The following ENPP3 variants were observed in gnomAD, a reference collection of about 807,000 sequenced individuals.
The protein encoded by ENPP3 is ectonucleotide pyrophosphatase/phosphodiesterase family member 3.
ENPP3 carries 104 observed loss-of-function variants against 117.8 expected under a neutral mutation model. That is an observed-to-expected ratio of 0.88 (90% CI 0.75 to 1.04). The LOEUF (loss-of-function observed/expected upper bound fraction) is 1.04, where lower values mean the gene tolerates loss of function less well. Ranked by LOEUF, ENPP3 falls within the 50% of genes least tolerant of loss-of-function variation. The probability of loss-of-function intolerance (pLI) is 0.00; values close to 1 mark genes in which losing one functional copy is unlikely to be tolerated. For synonymous variants in ENPP3, 380 were observed against 349.9 expected (o/e 1.09, Z -0.96); for missense variants, 1,026 against 1,051.9 (o/e 0.98, Z 0.34).
rs115698587 is a variant in ENPP3, at chr6:131,733,546, C to T, written c.1954-42C>T. On this transcript the variant is annotated intron_variant, in intron 20 of 24. Coordinates refer to ENST00000357639, the MANE Select transcript of ENPP3 (RefSeq NM_005021.5). ...AAACCATATAAGGCAATGGGTGAGC[C>T]GCAATTGTGGGCGTAATTTTTTTCT... is the stretch of plus-strand genomic sequence containing the variant. The T allele has an allele frequency of 1.2e-3, 1,856 of 1,593,414 alleles. 12 individuals carry two copies. In the African/African-American group the frequency reaches 0.021, roughly 18 times the overall value.
chr6:131,691,413 A>G (rs1034136263), intron 14 of ENPP3, among the ~76,000 whole-genome samples: 1 of 151,986 alleles, frequency 6.6e-6, no homozygotes, highest in Non-Finnish European at 1.5e-5. Context: ...ACATGGTGAA[A>G]TATCTTCTCT....
intron 6 of ENPP3, among the ~76,000 whole-genome samples, chr6:131,666,366 C>T (rs1303438425): frequency 6.6e-6 from 1 of 152,104 alleles, no homozygotes; most frequent in East Asian, 1.9e-4. Flanking sequence ...TAGAATCCTT[C>T]AAGCTTCCTG....
intron 15 of ENPP3, among the ~76,000 whole-genome samples, chr6:131,706,345 G>A (rs2114487283): frequency 7.3e-6 from 1 of 136,468 alleles, no homozygotes. Context: ...CATTATTTTA[G>A]AGTGCACTCC....
intron 11 of ENPP3, among the ~76,000 whole-genome samples, chr6:131,682,790 C>T (rs1779053969): frequency 6.6e-6 from 1 of 152,182 alleles, no homozygotes; most frequent in Non-Finnish European, 1.5e-5. Context: ...TGTTAGTTGA[C>T]ATTCAACATG....
intron 19 of ENPP3, among the ~76,000 whole-genome samples, chr6:131,724,933 G>A (rs373968257): frequency 3.3e-5 from 5 of 151,926 alleles, no homozygotes; most frequent in Non-Finnish European, 4.4e-5. Context: ...AAACAGCAGG[G>A]CATGGTGGCT....
intron 14 of ENPP3, among the ~76,000 whole-genome samples, chr6:131,691,067 A>G (rs1317668967): frequency 6.6e-6 from 1 of 152,138 alleles, no homozygotes; most frequent in African/African-American, 2.4e-5. Context: ...CATCACAGAT[A>G]TGGACTGGAC....
intron 21 of ENPP3, among the ~76,000 whole-genome samples, chr6:131,736,995 T>C (rs1017740560): frequency 6.6e-6 from 1 of 152,154 alleles, no homozygotes; most frequent in Non-Finnish European, 1.5e-5. Context: ...GTTTCTCCTC[T>C]TCCCAAATCT....
At chr6:131,716,932 C>A (rs1198913292) in intron 15 of ENPP3, among the ~76,000 whole-genome samples, 1 of 151,120 alleles carries the variant, frequency 6.6e-6, no homozygotes, top group Non-Finnish European at 1.5e-5. Flanking sequence ...GATCACGCCA[C>A]TTCACTCCAG....
chr6:131,718,766 T>C, intron 16 of ENPP3, 28 bp downstream of exon 16: 2 of 1,416,252 alleles, frequency 1.4e-6, no homozygotes, highest in Non-Finnish European at 2.0e-6. Context: ...TTTTTAACTT[T>C]TATTTTAAGT....
intron 15 of ENPP3, among the ~76,000 whole-genome samples, chr6:131,718,206 T>A (rs764203749): frequency 6.6e-6 from 1 of 152,204 alleles, no homozygotes; most frequent in Non-Finnish European, 1.5e-5. Flanking sequence ...GAAATTGATA[T>A]TTTTCCCCAG....
chr6:131,650,219 CT>C lies in ENPP3; in HGVS notation c.277+74del, dbSNP rs1388036482. The C allele has an allele frequency of 5.2e-6, 8 of 1,547,664 alleles. No individual in the cohort carries two copies. The East Asian group carries it at 1.8e-4, about 35-fold the overall frequency. On this transcript the variant is annotated intron_variant, in intron 3 of 24. Transcript: ENST00000357639. ...CTATTAATACATGTCAAATTTTTTT[CT>C]TTTCTTTCCTTTTTTTTGAGACAGA...
intron 15 of ENPP3, chr6:131,700,972 C>A: frequency 1.7e-6 from 1 of 594,460 alleles, no homozygotes; most frequent in Non-Finnish European, 2.7e-6. Context: ...GAAGTCACCG[C>A]GAGGGTGATG....
In ENPP3 at chr6:131,676,785, C is replaced by A. The variant is rs1469587065; in HGVS notation, c.922C>A (p.Leu308Met). ...TTCTACACTGTTAAAATGGCTGGAC[C>A]TGCCCAAAGCTGAAAGGTAATGTCT... ...RISTLLKWLD[L>M]PKAERPRFYT... is the part of the protein sequence containing the mutation. The change falls in exon 10 of 25, where the codon CTG becomes ATG. Residue 308 changes from leucine (L) to methionine (M), a missense_variant. Leu to Met is a conservative substitution (Grantham distance 15, BLOSUM62 2). Transcript: ENST00000357639. 1 of 1,609,848 alleles carries A rather than the reference C, an allele frequency of 6.2e-7. No individual in the cohort carries two copies. Among genetic ancestry groups the A allele is most frequent in the Non-Finnish European group, 8.5e-7 (1 of 1,176,388 alleles).
intron 16 of ENPP3, among the ~76,000 whole-genome samples, chr6:131,719,358 G>T (rs1420807075): frequency 1.4e-5 from 2 of 140,242 alleles, no homozygotes; most frequent in Non-Finnish European, 1.5e-5. Context: ...TTGCAACCTG[G>T]TTATCTCATC....
chr6:131,655,592 T>A (rs1778368853), intron 5 of ENPP3, among the ~76,000 whole-genome samples: 1 of 152,178 alleles, frequency 6.6e-6, no homozygotes, highest in African/African-American at 2.4e-5. Context: ...CAAGACTCCC[T>A]CACCTGTTGA....
At chr6:131,669,706 T>C (rs1778699791) in intron 6 of ENPP3, among the ~76,000 whole-genome samples, 2 of 151,956 alleles carry the variant, frequency 1.3e-5, no homozygotes, top group South Asian at 2.1e-4. Flanking sequence ...AGTAGATTTT[T>C]TTTGAACTCC....
In ENPP3 at chr6:131,677,896, G is replaced by A. The variant is rs1229259060; in HGVS notation, c.967G>A (p.Glu323Lys). Residue 323 changes from glutamate (E) to lysine (K), a missense_variant, in exon 11 of 25, where the codon GAA (glutamate) becomes AAA (lysine). By Grantham distance (56) the Glu-to-Lys change is moderately conservative. Transcript: ENST00000357639. ...RPRFYTMYFE[E>K]PDSSGHAGGP... ...CAGGTTTTATACCATGTATTTTGAA[G>A]AACCTGATTCCTCTGGACATGCAGG... 19 of 1,611,042 alleles carry A rather than the reference G, an allele frequency of 1.2e-5. No individual in the cohort carries two copies. The highest frequency in any genetic ancestry group is 1.6e-5 in the Non-Finnish European group (19 of 1,177,620).
intron 6 of ENPP3, among the ~76,000 whole-genome samples, chr6:131,659,922 A>C (rs1008402144): frequency 1.3e-5 from 2 of 152,226 alleles, no homozygotes; most frequent in African/African-American, 4.8e-5. Flanking sequence ...CGATTTGCTC[A>C]TTCCATTGAG....
At position 131,637,436 on chromosome 6, in the gene ENPP3, C is replaced by G; in HGVS notation, c.52C>G (p.Leu18Val). The G allele has an allele frequency of 6.3e-7, 1 of 1,588,930 alleles. No homozygotes were observed. The highest frequency in any genetic ancestry group is 2.3e-5 in the East Asian group (1 of 43,900). The change falls in exon 1 of 25, where the codon CTT becomes GTT. Residue 18 changes from leucine (L) to valine (V), a missense_variant. By Grantham distance (32) the Leu-to-Val change is conservative. Transcript: ENST00000357639. ...ATEQPVKKNT[L>V]KKYKIACIVL... ...GGAACAACCTGTTAAGAAGAACACT[C>G]TTAAGAAATATAAAATAGCTTGCAT...
Sources: allele counts gnomAD v4.1 joint callset (sites outside exome capture counted in the v4.1 genomes callset), GRCh38; gene constraint gnomAD v4.1.1; transcripts MANE v1.5; gene names NCBI Gene and HGNC (gene_info 2026-07-23, HGNC 2026-07-21).